Variants in SAMD12 observed in about 807,000 individuals in gnomAD.
SAMD12 encodes the protein sterile alpha motif domain containing 12, also known as sterile alpha motif domain-containing protein 12.
SAMD12 carries 9 observed loss-of-function variants against 15.0 expected under a neutral mutation model. That is an observed-to-expected ratio of 0.60 (90% CI 0.36 to 1.05). SAMD12 has a LOEUF of 1.05. SAMD12 is among the 50% of genes least tolerant of loss of function. The pLI, the probability that SAMD12 is intolerant of heterozygous loss-of-function variation, is 0.01. For synonymous variants in SAMD12, 86 were observed against 90.1 expected, an observed-to-expected ratio of 0.96 and a Z score of 0.25; for missense variants, 230 against 234.2, an observed-to-expected ratio of 0.98 and a Z score of 0.12.
the SAMD12 span, among the ~76,000 whole-genome samples, chr8:118,144,440 C>T: frequency 6.6e-6 from 1 of 152,118 alleles, no homozygotes; most frequent in South Asian, 2.1e-4. Flanking sequence ...TCACTCACTG[C>T]TGCTCCCAAA....
At chr8:118,588,987 A>C (rs921425554) in intron 1 of SAMD12, among the ~76,000 whole-genome samples, 4 of 152,182 alleles carry the variant, frequency 2.6e-5, no homozygotes, top group African/African-American at 9.7e-5. Context: ...TTTTCCCACT[A>C]TCAAAAACAG....
intron 4 of SAMD12, among the ~76,000 whole-genome samples, chr8:118,345,270 C>T (rs1440028892): frequency 6.6e-6 from 1 of 152,122 alleles, no homozygotes; most frequent in African/African-American, 2.4e-5. Context: ...TACCACATAT[C>T]CTAGGGTTGT....
rs76954718 is a variant in SAMD12, at chr8:118,439,775, C to A, written c.322+57G>T. 11,988 of 1,552,870 alleles carry A rather than the reference C, an allele frequency of 7.7e-3. 64 individuals carry two copies. The highest frequency in any genetic ancestry group is 9.4e-3 in the Non-Finnish European group (10,598 of 1,128,082). ...TTTCATGGTAAGGGTATGGGAAAGGCTATCGTGACTGGGAGAAAGAAAAGG... is the reference window on the plus strand; with the variant it reads ...TTTCATGGTAAGGGTATGGGAAAGGATATCGTGACTGGGAGAAAGAAAAGG... On this transcript the variant is annotated intron_variant, in intron 3 of 3. Coordinates refer to ENST00000314727, the MANE Select transcript of SAMD12 (RefSeq NM_207506.3).
intron 1 of SAMD12, among the ~76,000 whole-genome samples, chr8:118,597,365 C>T (rs181089327): frequency 3.5e-4 from 54 of 152,300 alleles, no homozygotes; most frequent in African/African-American, 1.3e-3. Context: ...CCCCCTCACC[C>T]CCATGGTTGC....
At chr8:118,462,074 T>C (rs959808772) in intron 2 of SAMD12, among the ~76,000 whole-genome samples, 3 of 152,226 alleles carry the variant, frequency 2.0e-5, no homozygotes, top group Non-Finnish European at 4.4e-5. Context: ...TTTGGGTACA[T>C]GGCATTAAAT....
intron 4 of SAMD12, among the ~76,000 whole-genome samples, chr8:118,282,885 T>C (rs1813722611): frequency 6.6e-6 from 1 of 152,130 alleles, no homozygotes; most frequent in African/African-American, 2.4e-5. Flanking sequence ...TACATATGTA[T>C]TTATTTATAT....
chr8:118,618,306 C>A (rs1224592760), intron 1 of SAMD12, among the ~76,000 whole-genome samples: 1 of 152,218 alleles, frequency 6.6e-6, no homozygotes. Flanking sequence ...AATGAGTGAA[C>A]TACTTGCTAG....
chr8:118,415,540 A>G (rs1821644268), intron 3 of SAMD12, among the ~76,000 whole-genome samples: 1 of 151,894 alleles, frequency 6.6e-6, no homozygotes, highest in African/African-American at 2.4e-5. Context: ...ACATGAAGGG[A>G]AAAAGATACT....
chr8:118,492,180 T>C (rs746563771), intron 2 of SAMD12, among the ~76,000 whole-genome samples: 3 of 151,616 alleles, frequency 2.0e-5, no homozygotes, highest in Non-Finnish European at 2.9e-5. Context: ...TAGTATTTCA[T>C]TGTGATTCTG....
chr8:118,313,027 T>C (rs373250493), intron 4 of SAMD12, among the ~76,000 whole-genome samples: 17 of 152,278 alleles, frequency 1.1e-4, no homozygotes, highest in Admixed American at 6.5e-4. Context: ...AGAATTTGCA[T>C]CCACAAAGAG....
chr8:118,333,264 T>C (rs1183356992), intron 4 of SAMD12, among the ~76,000 whole-genome samples: 1 of 152,152 alleles, frequency 6.6e-6, no homozygotes, highest in Non-Finnish European at 1.5e-5. Flanking sequence ...ACAGTTGAGA[T>C]TTTTATGCGA....
intron 2 of SAMD12, among the ~76,000 whole-genome samples, chr8:118,522,179 T>TAC (rs57368278): frequency 0.25 from 6,464 of 25,892 alleles, 196 homozygotes; most frequent in Non-Finnish European, 0.29. Context: ...CACACACACA[T>TAC]ACACACACAC....
In SAMD12 at chr8:118,271,182, A is replaced by T. The variant is rs1813347040; in HGVS notation, c.434-73450T>A. 2.0e-5 allele frequency among the ~76,000 whole-genome samples: 3 copies of T among 152,198 alleles called. No individual in the cohort carries two copies. In the South Asian group the frequency reaches 6.2e-4, roughly 32 times the overall value. On this transcript the variant is annotated intron_variant, in intron 4 of 4. Transcript: ENST00000409003. ...CTGACTTGACAGTTCAGCATGGCTG[A>T]GAGGCCTCAGGAAACTTATAATCAT...
chr8:118,292,349 GACAC>G (rs3052706), intron 4 of SAMD12, among the ~76,000 whole-genome samples: 2,156 of 137,706 alleles, frequency 0.016, 72 homozygotes, highest in African/African-American at 0.056. Flanking sequence ...CAAACACACA[GACAC>G]ACACACACAC....
chr8:118,555,410 C>G (rs1366122364), intron 2 of SAMD12, among the ~76,000 whole-genome samples: 1 of 152,150 alleles, frequency 6.6e-6, no homozygotes, highest in Non-Finnish European at 1.5e-5. Flanking sequence ...ATTCATCTCC[C>G]TAAAACAACA....
intron 3 of SAMD12, among the ~76,000 whole-genome samples, chr8:118,439,099 G>C (rs1822659279): frequency 6.6e-6 from 1 of 152,118 alleles, no homozygotes; most frequent in South Asian, 2.1e-4. Flanking sequence ...CCAATTGAGA[G>C]ACTTGATCTG....
At chr8:118,515,276 G>A (rs982310398) in intron 2 of SAMD12, among the ~76,000 whole-genome samples, 6 of 141,926 alleles carry the variant, frequency 4.2e-5, no homozygotes, top group Non-Finnish European at 6.0e-5. Context: ...CTCGTGATCC[G>A]CCCGCCTCAG....
chr8:118,377,860 C>G (rs1468551244), downstream of SAMD12: 1 of 152,064 alleles, frequency 6.6e-6, no homozygotes, highest in Non-Finnish European at 1.5e-5. Context: ...TAAACAGAAG[C>G]TGGGCAGCTA....
intron 1 of SAMD12, among the ~76,000 whole-genome samples, chr8:118,596,543 T>C (rs1419718495): frequency 6.6e-6 from 1 of 152,218 alleles, no homozygotes; most frequent in Non-Finnish European, 1.5e-5. Context: ...CTGCTGATTC[T>C]ATCAATGACC....
Sources: gnomAD v4.1 joint callset for allele counts (sites outside exome capture counted in the v4.1 genomes callset) on GRCh38, gnomAD v4.1.1 for gene constraint, MANE v1.5 for transcripts, NCBI Gene and HGNC (gene_info 2026-07-23, HGNC 2026-07-21) for gene names.